Variants in PCDHGB4 observed in about 807,000 individuals in gnomAD.
The protein encoded by PCDHGB4 is protocadherin gamma-B4.
A neutral mutation model predicts 60.5 loss-of-function variants in PCDHGB4; 38 were observed. The observed-to-expected ratio is 0.63, with a 90% confidence interval of 0.48 to 0.82. PCDHGB4 has a LOEUF of 0.82. Among genes scored for constraint, PCDHGB4 ranks in the 40% least tolerant of loss-of-function variants. PCDHGB4 has a pLI of 0.00. For synonymous variants in PCDHGB4, 456 were observed against 509.7 expected (o/e 0.89, Z 1.42); for missense variants, 1,109 against 1,209.6 (o/e 0.92, Z 1.23).
At chr5:141,400,116 C>T in intron 1 of PCDHGB4, 2 of 1,614,086 alleles carry the variant, frequency 1.2e-6, no homozygotes, top group Non-Finnish European at 1.7e-6. Context: ...TTGCTGACAG[C>T]TTGCAGGAGG....
chr5:141,476,741 A>G lies in PCDHGB4; in HGVS notation c.2398-18066A>G, dbSNP rs1430298222. On this transcript the variant is annotated intron_variant, in intron 1 of 3. Transcript: ENST00000519479. The surrounding 1 kb of genome is among the most constrained non-coding windows in gnomAD (Gnocchi z 7.6). ...CGCCCTGGACCGAGAACGGGAGCCT[A>G]GTCTCCAGTTAGTGCTGACGGCGTT... The G allele has an allele frequency of 6.2e-7, 1 of 1,613,936 alleles. No individual in the cohort carries two copies. Among genetic ancestry groups the G allele is most frequent in the Non-Finnish European group, 8.5e-7 (1 of 1,180,032 alleles).
chr5:141,429,390 A>ATT (rs1561841316), intron 1 of PCDHGB4, among the ~76,000 whole-genome samples: 8 of 150,216 alleles, frequency 5.3e-5, no homozygotes, highest in African/African-American at 1.7e-4. Flanking sequence ...TTTTTTTTAA[A>ATT]AAAAATTGAG....
intron 1 of PCDHGB4, among the ~76,000 whole-genome samples, chr5:141,455,408 G>A (rs1024760282): frequency 6.6e-6 from 1 of 152,150 alleles, no homozygotes; most frequent in Non-Finnish European, 1.5e-5. Context: ...TACAGAGACA[G>A]AGGGAGCGGG....
At position 141,437,148 on chromosome 5, in the gene PCDHGB4, A is replaced by T. The variant is rs1196014608; in HGVS notation, c.2397+46867A>T. ...GTTGATAATTTAGGATTCATAATTA[A>T]CATATGTGTTGATTGTTTTCTGAGA... is the stretch of plus-strand genomic sequence containing the variant. On this transcript the variant is annotated intron_variant, in intron 1 of 3. Coordinates refer to ENST00000519479, the MANE Select transcript of PCDHGB4 (RefSeq NM_003736.4). Among the ~76,000 whole-genome samples the T allele has an allele frequency of 2.0e-5, 3 of 152,214 alleles. No individual in the cohort carries two copies. In the East Asian group the frequency reaches 5.8e-4, roughly 29 times the overall value.
At chr5:141,449,521 G>A (rs1238503983) in intron 1 of PCDHGB4, among the ~76,000 whole-genome samples, 4 of 150,262 alleles carry the variant, frequency 2.7e-5, no homozygotes, top group African/African-American at 9.8e-5. Flanking sequence ...CCTGGGAGGC[G>A]GAGGTTGCAG....
chr5:141,433,090 C>T, intron 1 of PCDHGB4: 2 of 1,614,210 alleles, frequency 1.2e-6, no homozygotes, highest in Non-Finnish European at 1.7e-6. Flanking sequence ...ACTATGCAGA[C>T]ATGCTCGTCA....
In PCDHGB4 at chr5:141,399,774, C is replaced by T. The variant is rs758550367; in HGVS notation, c.2397+9493C>T. The T allele has an allele frequency of 1.5e-5, 24 of 1,613,116 alleles. No homozygotes were observed. In the South Asian group the frequency reaches 2.4e-4, roughly 16 times the overall value. On this transcript the variant is annotated intron_variant, in intron 1 of 3. Transcript: ENST00000519479. Reference sequence around the variant, plus strand: ...ACGTGAGCCTGCGCGTGTTGGTGGGCGACCGAAACGACAACGCACCGCGGG... The same window carrying T: ...ACGTGAGCCTGCGCGTGTTGGTGGGTGACCGAAACGACAACGCACCGCGGG...
chr5:141,496,839 A>G (rs2099771783), intron 2 of PCDHGB4, among the ~76,000 whole-genome samples: 1 of 151,484 alleles, frequency 6.6e-6, no homozygotes. Flanking sequence ...CAGAACTCAT[A>G]GGCTTCCAGA....
Position 141,477,160 on chromosome 5 carries a change from C to A in PCDHGB4, c.2398-17647C>A, listed in dbSNP as rs768436526. The A allele has an allele frequency of 1.9e-5, 31 of 1,614,068 alleles. No homozygotes were observed. The African/African-American group carries it at 3.6e-4, about 19-fold the overall frequency. On this transcript the variant is annotated intron_variant, in intron 1 of 3. Coordinates refer to ENST00000519479, the MANE Select transcript of PCDHGB4 (RefSeq NM_003736.4). This position sits in a 1 kb window ranked among gnomAD's most constrained non-coding sequence, Gnocchi z 4.9. ...TGGAGGTTGTGGATGTGAATGACAA[C>A]GCCCCGGAGATCACAGTCACCTCCG...
intron 1 of PCDHGB4, among the ~76,000 whole-genome samples, chr5:141,455,830 C>T (rs928219545): frequency 2.0e-5 from 3 of 151,170 alleles, no homozygotes; most frequent in African/African-American, 7.3e-5. Flanking sequence ...GACCCCTTTT[C>T]CTGTCTATCT....
At chr5:141,408,220 G>C (rs2095061412) in intron 1 of PCDHGB4, 1 of 1,558,876 alleles carries the variant, frequency 6.4e-7, no homozygotes, top group Non-Finnish European at 8.7e-7. Flanking sequence ...GGAGCTGCGC[G>C]CAGAGGCGCC....
At position 141,485,892 on chromosome 5, in the gene PCDHGB4, C is replaced by T; in HGVS notation, c.2398-8915C>T. On this transcript the variant is annotated intron_variant, in intron 1 of 3. Coordinates refer to ENST00000519479, the MANE Select transcript of PCDHGB4 (RefSeq NM_003736.4). The surrounding 1 kb of genome is among the most constrained non-coding windows in gnomAD (Gnocchi z 5.7). ...GTGCTGGACGTAAACGACAACGCCC[C>T]AGCCTTCCAGCAATCCAGCTACAGG... is the stretch of plus-strand genomic sequence containing the variant. 6.2e-7 allele frequency: 1 copy of T among 1,614,194 alleles called. No individual in the cohort carries two copies.
At chr5:141,425,214 A>G (rs999893857) in intron 1 of PCDHGB4, among the ~76,000 whole-genome samples, 2 of 152,178 alleles carry the variant, frequency 1.3e-5, no homozygotes, top group Non-Finnish European at 2.9e-5. Context: ...AAGGCATTGT[A>G]CTTTGACTGG....
At chr5:141,414,738 C>T in intron 1 of PCDHGB4, 1 of 1,614,238 alleles carries the variant, frequency 6.2e-7, no homozygotes, top group Non-Finnish European at 8.5e-7. Context: ...TGTATGCACT[C>T]AGATCCTTCG....
chr5:141,433,033 C>A, intron 1 of PCDHGB4: 2 of 1,614,164 alleles, frequency 1.2e-6, no homozygotes, highest in Non-Finnish European at 1.7e-6. Flanking sequence ...ACGAGGTTTC[C>A]CTCACCACGG....
At chr5:141,464,682 T>C (rs1442997972) in intron 1 of PCDHGB4, among the ~76,000 whole-genome samples, 1 of 152,132 alleles carries the variant, frequency 6.6e-6, no homozygotes, top group Non-Finnish European at 1.5e-5. Flanking sequence ...TTAATTAAAA[T>C]TTCTCTTATT....
At chr5:141,470,078 G>C (rs542998375) in intron 1 of PCDHGB4, among the ~76,000 whole-genome samples, 21 of 152,182 alleles carry the variant, frequency 1.4e-4, no homozygotes, top group Non-Finnish European at 2.9e-4. Context: ...GTAGTGATCT[G>C]AGATCATGCC....
Position 141,403,721 on chromosome 5 carries a change from C to T in PCDHGB4, c.2397+13440C>T, listed in dbSNP as rs748888364. On this transcript the variant is annotated intron_variant, in intron 1 of 3. Coordinates refer to ENST00000519479, the MANE Select transcript of PCDHGB4 (RefSeq NM_003736.4). ...AGTTAAAGTCCTTGAGAACGTGCCC[C>T]CAGGCACCTGGCTGCTTACTGCAAC... 5 of 1,613,754 alleles carry T rather than the reference C, an allele frequency of 3.1e-6. No individual in the cohort carries two copies. The highest frequency in any genetic ancestry group is 2.2e-5 in the East Asian group (1 of 44,878).
At chr5:141,494,190 G>GAGAA (rs2099752701) in intron 1 of PCDHGB4, among the ~76,000 whole-genome samples, 1 of 152,186 alleles carries the variant, frequency 6.6e-6, no homozygotes, top group Non-Finnish European at 1.5e-5. Flanking sequence ...CCCGGGACTT[G>GAGAA]GATGCCCCGC....
Sources: gnomAD v4.1 joint callset for allele counts (sites outside exome capture counted in the v4.1 genomes callset) on GRCh38, gnomAD v4.1.1 for gene constraint, Gnocchi (gnomAD v3.1) non-coding constraint, MANE v1.5 for transcripts, NCBI Gene and HGNC (gene_info 2026-07-23, HGNC 2026-07-21) for gene names.